DDX49: variants seen among roughly 807,000 people sequenced by gnomAD.
The protein encoded by DDX49 is DEAD-box helicase 49.
Under a neutral mutation model 56.3 loss-of-function variants are expected in DDX49, and 50 were observed. The observed-to-expected ratio is 0.89, with a 90% confidence interval of 0.71 to 1.12. The LOEUF (loss-of-function observed/expected upper bound fraction) is 1.12. Among genes scored for constraint, DDX49 ranks in the 50% most tolerant of loss-of-function variants. The probability of loss-of-function intolerance (pLI) is 0.00; values close to 1 mark genes in which losing one functional copy is unlikely to be tolerated. For missense variants in DDX49, 614 were observed against 650.5 expected (o/e 0.94, Z 0.61); for synonymous variants, 269 against 270.6 (o/e 0.99, Z 0.06).
At chr19:18,925,560 A>T (rs2056954557) in intron 9 of DDX49, among the ~76,000 whole-genome samples, 1 of 152,240 alleles carries the variant, frequency 6.6e-6, no homozygotes, top group South Asian at 2.1e-4. Flanking sequence ...GTCTCAAAAA[A>T]TAATAATAAA....
intron 11 of DDX49, 49 bp downstream of exon 11, chr19:18,927,903 G>T: frequency 6.2e-7 from 1 of 1,613,802 alleles, no homozygotes; most frequent in Non-Finnish European, 8.5e-7. Flanking sequence ...AGGGCCGGGG[G>T]TGCTCCCTTC....
intron 9 of DDX49, among the ~76,000 whole-genome samples, chr19:18,925,457 A>C (rs1181200705): frequency 6.6e-6 from 1 of 152,204 alleles, no homozygotes; most frequent in South Asian, 2.1e-4. Context: ...CGGGAGGCTG[A>C]GGCAGGAGAA....
chr19:18,925,268 A>C, intron 9 of DDX49: 1 of 396,612 alleles, frequency 2.5e-6, no homozygotes, highest in South Asian at 3.0e-5. Context: ...AAAATAAAAT[A>C]AAATAGGCCA....
At chr19:18,928,077 TC>T in intron 12 of DDX49, 41 bp downstream of exon 12, 1 of 1,612,576 alleles carries the variant, frequency 6.2e-7, no homozygotes, top group Non-Finnish European at 8.5e-7. Context: ...GTGGCCAGGT[TC>T]CCTGGCGGGG....
chr19:18,922,418 G>A lies in DDX49; in HGVS notation c.540G>A (p.Arg180=), dbSNP rs1209000047. ...EAILAAVPAR[R]QTLLFSATLT... The stretch of plus-strand genomic sequence containing the variant: ...TCCTGGCGGCTGTGCCGGCCCGCAG[G>A]CAGACACTGCTGTTCAGCGCCACGC... Residue 180 remains arginine, a synonymous_variant, in exon 5 of 13, where the codon AGG becomes AGA. Coordinates refer to ENST00000247003, the MANE Select transcript of DDX49 (RefSeq NM_019070.5). 6.2e-7 allele frequency: 1 copy of A among 1,609,208 alleles called. No individual in the cohort carries two copies. Among genetic ancestry groups the A allele is most frequent in the Non-Finnish European group, 8.5e-7 (1 of 1,179,210 alleles).
At chr19:18,926,628 G>T (rs934208694) in intron 10 of DDX49, among the ~76,000 whole-genome samples, 1 of 152,174 alleles carries the variant, frequency 6.6e-6, no homozygotes, top group African/African-American at 2.4e-5. Flanking sequence ...TTCTTAGACT[G>T]AGATGTATGG....
In DDX49 at chr19:18,921,630, A is replaced by G. The variant is rs2056917837; in HGVS notation, c.240-33A>G. On this transcript the variant is annotated intron_variant, in intron 2 of 12. Transcript: ENST00000247003. ...AATGGGGGGCAGGTCCAGAACCACT[A>G]CCTGACCCAGCCTGGCCCCTTCACA... The G allele has an allele frequency of 2.5e-6, 4 of 1,606,548 alleles. No homozygotes were observed. The South Asian group carries it at 3.3e-5, about 13-fold the overall frequency.
In DDX49 at chr19:18,922,326, G is replaced by T. The variant is rs1169536896; in HGVS notation, c.448G>T (p.Val150Leu). 6.2e-7 allele frequency: 1 copy of T among 1,610,412 alleles called. No homozygotes were observed. Among genetic ancestry groups the T allele is most frequent in the South Asian group, 1.1e-5 (1 of 90,288 alleles). The change falls in exon 5 of 13, where the codon GTG (valine) becomes TTG (leucine). Residue 150 changes from valine to leucine, a missense_variant and splice_region_variant. Coordinates refer to ENST00000247003, the MANE Select transcript of DDX49 (RefSeq NM_019070.5). ...ACCCCTGCCCCCATTGGCACGGCAG[G>T]TGATGGATGAGGCAGACCGGCTGCT... The part of the protein sequence containing the change: ...TFSIKKIRFL[V>L]MDEADRLLEQ...
Position 18,919,783 on chromosome 19 carries a change from G to A in DDX49, c.42G>A (p.Val14=). The A allele has an allele frequency of 6.2e-7, 1 of 1,612,636 alleles. No homozygotes were observed. Among genetic ancestry groups the A allele is most frequent in the Non-Finnish European group, 8.5e-7 (1 of 1,179,210 alleles). Reference sequence around the variant, plus strand: ...AGCTCGGGCTGTCATCGTGGCTCGTGGAACAATGTCGGCAGCTGGGTTTGA... The same window carrying A: ...AGCTCGGGCTGTCATCGTGGCTCGTAGAACAATGTCGGCAGCTGGGTTTGA... ...FAELGLSSWL[V]EQCRQLGLKQ... Residue 14 remains valine, a synonymous_variant, in exon 1 of 13, where the codon GTG becomes GTA. Transcript: ENST00000247003.
At position 18,920,639 on chromosome 19, in the gene DDX49, C is replaced by A; in HGVS notation, c.175C>A (p.Pro59Thr). ...GSGKTAAFVL[P>T]ILQKLSEDPY... The stretch of plus-strand genomic sequence containing the variant: ...TGGGAAGACAGCAGCGTTTGTCCTT[C>A]CCATCTTGCAGAAGCTGTCTGAGGA... The change falls in exon 2 of 13, where the codon CCC becomes ACC. Residue 59 changes from proline (P) to threonine (T), a missense_variant. Transcript: ENST00000247003. The A allele has an allele frequency of 6.2e-7, 1 of 1,611,762 alleles. No homozygotes were observed. The highest frequency in any genetic ancestry group is 8.5e-7 in the Non-Finnish European group (1 of 1,178,054).
chr19:18,920,539 C>T, intron 1 of DDX49, 41 bp from the exon 2 acceptor site: 1 of 1,559,472 alleles, frequency 6.4e-7, no homozygotes. Flanking sequence ...CCCAGCTGTC[C>T]ACACATGGAG....
Position 18,928,042 on chromosome 19 carries a change from G to C in DDX49, c.1263+6G>C, listed in dbSNP as rs1249606068. On this transcript the variant is annotated splice_donor_region_variant and intron_variant, in intron 12 of 12. Transcript: ENST00000247003. ...AGCTGATCCTGGAGGGGAAGGTGAG[G>C]GCCGAGCCCGCAGGTAGGGGGTGGG... 6.2e-7 allele frequency: 1 copy of C among 1,613,774 alleles called. No individual in the cohort carries two copies. The highest frequency in any genetic ancestry group is 1.1e-5 in the South Asian group (1 of 91,078).
intron 6 of DDX49, among the ~76,000 whole-genome samples, chr19:18,923,236 T>C (rs1442181945): frequency 1.3e-5 from 2 of 152,234 alleles, no homozygotes; most frequent in South Asian, 4.1e-4. Context: ...AAGAGAAAAG[T>C]TGGGACTGGG....
intron 6 of DDX49, 122 bp downstream of exon 6, chr19:18,922,866 T>C (rs2056930911): frequency 2.3e-6 from 3 of 1,311,224 alleles, no homozygotes; most frequent in Non-Finnish European, 3.1e-6. Context: ...CTGGAGGTCA[T>C]GGGGGCTTCC....
At position 18,928,383 on chromosome 19, in the gene DDX49, TGGGGGCAGCAGCCCTTCCC is replaced by T. The variant is rs2056983106; in HGVS notation, c.*74_*92del. 1.4e-6 allele frequency: 2 copies of T among 1,421,170 alleles called. No individual in the cohort carries two copies. Among genetic ancestry groups the T allele is most frequent in the Non-Finnish European group, 1.9e-6 (2 of 1,080,758 alleles). The allele number at this position is 1,421,170 out of a possible 1,614,324, so 88.0% of individuals were successfully genotyped here. A position where few individuals can be genotyped will look rare whatever the true frequency, so the allele number is the denominator to read the frequency against. ...AGCTGAGGGTCGGAGGAACCTTCCT[TGGGGGCAGCAGCCCTTCCC>T]GGGGGCCTACCCAGTGCCCCACAGC... On this transcript the variant is annotated 3_prime_UTR_variant, in exon 13 of 13. Transcript: ENST00000247003.
In DDX49 at chr19:18,919,818, C is replaced by A; in HGVS notation, c.77C>A (p.Thr26Lys). ...QCRQLGLKQP[T>K]PVQLGCIPAI... ...CGGCAGCTGGGTTTGAAGCAGCCCA[C>A]GCCCGTGCAGCTCGGCTGCATCCCC... is the stretch of plus-strand genomic sequence containing the variant. Residue 26 changes from threonine (T) to lysine (K), a missense_variant, in exon 1 of 13, where the codon ACG (threonine) becomes AAG (lysine). Physicochemically the swap from Thr to Lys is moderately conservative, Grantham distance 78. Transcript: ENST00000247003. 1.9e-6 allele frequency: 3 copies of A among 1,608,410 alleles called. No individual in the cohort carries two copies. The highest frequency in any genetic ancestry group is 1.3e-5 in the African/African-American group (1 of 74,988).
At chr19:18,922,046 C>A in intron 4 of DDX49, 82 bp downstream of exon 4, 1 of 1,521,184 alleles carries the variant, frequency 6.6e-7, no homozygotes. Flanking sequence ...GGCACCATCT[C>A]ATCCATTTAG....
At chr19:18,919,952 G>A in intron 1 of DDX49, 96 bp downstream of exon 1, 1 of 952,616 alleles carries the variant, frequency 1.0e-6, no homozygotes, top group Admixed American at 2.9e-5. Context: ...CCCACGAGGC[G>A]AGGGGCAACC....
At chr19:18,920,826 C>A in intron 2 of DDX49, 123 bp downstream of exon 2, 1 of 1,023,018 alleles carries the variant, frequency 9.8e-7, no homozygotes, top group South Asian at 1.8e-5. Context: ...TTGCTACCCG[C>A]TTCTTAGGGG....
Sources: gnomAD v4.1 joint callset for allele counts (sites outside exome capture counted in the v4.1 genomes callset) on GRCh38, gnomAD v4.1.1 for gene constraint, MANE v1.5 for transcripts, NCBI Gene and HGNC (gene_info 2026-07-23, HGNC 2026-07-21) for gene names.